The following GBP5 variants were observed in gnomAD, a reference collection of about 807,000 sequenced individuals.
The protein encoded by GBP5 is guanylate-binding protein 5.
In GBP5, 48 loss-of-function variants were observed where a neutral mutation model predicts 58.2. The observed-to-expected ratio is 0.83, with a 90% confidence interval of 0.65 to 1.05. The LOEUF is 1.05. Among genes scored for constraint, GBP5 ranks in the 50% least tolerant of loss-of-function variants. The pLI, the probability that GBP5 is intolerant of heterozygous loss-of-function variation, is 0.00. For missense variants in GBP5, 714 were observed against 686.8 expected, an observed-to-expected ratio of 1.04 and a Z score of -0.44; for synonymous variants, 248 against 251.8, an observed-to-expected ratio of 0.98 and a Z score of 0.14.
rs1339808030 is a variant in GBP5, at chr1:89,262,663, A to C, written c.1465+20T>G. Reference sequence around the variant, plus strand: ...TTATAGATTTCTTTCTATCTTGCATAATTTCCACTTTCTTCTCACCTTTCT... The same window carrying C: ...TTATAGATTTCTTTCTATCTTGCATCATTTCCACTTTCTTCTCACCTTTCT... On this transcript the variant is annotated intron_variant, in intron 10 of 11. Transcript: ENST00000370459. The C allele has an allele frequency of 6.7e-7, 1 of 1,496,086 alleles. No homozygotes were observed. Among genetic ancestry groups the C allele is most frequent in the Non-Finnish European group, 9.3e-7 (1 of 1,074,040 alleles). The allele number at this position is 1,496,086 out of a possible 1,614,324, so 92.7% of individuals were successfully genotyped here.
rs1485796909 is a variant in GBP5 at position 89,256,642 on chromosome 1, T to C, written c.*4062A>G. On this transcript the variant is annotated 3_prime_UTR_variant, in exon 12 of 12. Transcript: ENST00000370459. The stretch of plus-strand genomic sequence containing the variant: ...GGGGTCAAGAGAGATTTCAAGAGTT[T>C]TGAGTCACATTTAGAAAGGCCCTCT... Among the ~76,000 whole-genome samples, 1 of 152,212 alleles carries C rather than the reference T, an allele frequency of 6.6e-6. No individual in the cohort carries two copies. The highest frequency in any genetic ancestry group is 2.4e-5 in the African/African-American group (1 of 41,454).
At chr1:89,268,696 A>G in intron 4 of GBP5, 33 bp downstream of exon 4, 1 of 1,610,956 alleles carries the variant, frequency 6.2e-7, no homozygotes, top group East Asian at 2.2e-5. Context: ...CAGTTCAGAG[A>G]TTAGGAGGTT....
chr1:89,262,530 C>G, intron 10 of GBP5, 129 bp from the exon 11 acceptor site: 1 of 943,678 alleles, frequency 1.1e-6, no homozygotes. Flanking sequence ...CAGGTAACCA[C>G]AATGCAGGAT....
chr1:89,258,359 A>G lies in GBP5; in HGVS notation c.*2345T>C, dbSNP rs971278439. On this transcript the variant is annotated 3_prime_UTR_variant, in exon 12 of 12. Transcript: ENST00000370459. ...CTTTAAGATGGGTAATAAAGATATC[A>G]ATATTTAATTTGGAGATAGAGCTAT... Among the ~76,000 whole-genome samples the G allele has an allele frequency of 2.0e-5, 3 of 152,236 alleles. No individual in the cohort carries two copies. Among genetic ancestry groups the G allele is most frequent in the African/African-American group, 7.2e-5 (3 of 41,460 alleles).
At chr1:89,268,989 G>A in intron 3 of GBP5, 133 bp from the exon 4 acceptor site, 1 of 864,476 alleles carries the variant, frequency 1.2e-6, no homozygotes, top group South Asian at 1.8e-5. Context: ...TGATTTGAAT[G>A]ATGATGCAGA....
rs745501766 is a variant in GBP5, at chr1:89,266,329, C to T, written c.868+17G>A. ...GTTTACATTAAATTGAAGGAAAATCCTAAAAATAATACTCACGAGATCCAT... is the reference window on the plus strand; with the variant it reads ...GTTTACATTAAATTGAAGGAAAATCTTAAAAATAATACTCACGAGATCCAT... On this transcript the variant is annotated intron_variant, in intron 7 of 11. Transcript: ENST00000370459. The T allele has an allele frequency of 1.2e-6, 2 of 1,600,830 alleles. No individual in the cohort carries two copies. The highest frequency in any genetic ancestry group is 2.2e-5 in the South Asian group (2 of 89,448).
At position 89,257,792 on chromosome 1, in the gene GBP5, A is replaced by G. The variant is rs1422433568; in HGVS notation, c.*2912T>C. Among the ~76,000 whole-genome samples the G allele has an allele frequency of 6.6e-6, 1 of 152,206 alleles. No homozygotes were observed. Among genetic ancestry groups the G allele is most frequent in the Non-Finnish European group, 1.5e-5 (1 of 68,032 alleles). On this transcript the variant is annotated 3_prime_UTR_variant, in exon 12 of 12. Coordinates refer to ENST00000370459, the MANE Select transcript of GBP5 (RefSeq NM_052942.5). ...TTTGTACTTGTTTCCTATTGCTGCT[A>G]TAACAAATTATTACTAATTTTGTGG...
At position 89,256,226 on chromosome 1, in the gene GBP5, C is replaced by T. The variant is rs540272174; in HGVS notation, c.*4478G>A. 2.6e-5 allele frequency among the ~76,000 whole-genome samples: 4 copies of T among 151,922 alleles called. No homozygotes were observed. Among genetic ancestry groups the T allele is most frequent in the Non-Finnish European group, 4.4e-5 (3 of 67,978 alleles). On this transcript the variant is annotated 3_prime_UTR_variant, in exon 12 of 12. Coordinates refer to ENST00000370459, the MANE Select transcript of GBP5 (RefSeq NM_052942.5). ...ATAAAGATTTTATTAACAAATGAAG[C>T]AAGGCATAAAAGAATACAAACAATG...
At chr1:89,270,699 G>A (rs1650411145) in intron 2 of GBP5, 56 bp downstream of exon 2, 1 of 152,176 alleles carries the variant, frequency 6.6e-6, no homozygotes, top group Admixed American at 6.5e-5. Context: ...CAAATTTAGA[G>A]ACTCAAATGG....
In GBP5 at chr1:89,264,986, A is replaced by G. The variant is rs1354430186; in HGVS notation, c.869-20T>C. 6.3e-7 allele frequency: 1 copy of G among 1,591,518 alleles called. No individual in the cohort carries two copies. Among genetic ancestry groups the G allele is most frequent in the Non-Finnish European group, 8.6e-7 (1 of 1,163,868 alleles). ...TTAGACCTTCATGGAAGAAAGAAAC[A>G]TTTATATTATTTGCAAAGGAAGAAG... On this transcript the variant is annotated intron_variant, in intron 7 of 11. Coordinates refer to ENST00000370459, the MANE Select transcript of GBP5 (RefSeq NM_052942.5).
Position 89,257,092 on chromosome 1 carries a change from G to A in GBP5, c.*3612C>T, listed in dbSNP as rs2100710234. ...ATTCAGTATTTCTATGTTTTCCTAA[G>A]TATATTAGTCCATTTTCATACTGCT... On this transcript the variant is annotated 3_prime_UTR_variant, in exon 12 of 12. Coordinates refer to ENST00000370459, the MANE Select transcript of GBP5 (RefSeq NM_052942.5). 6.6e-6 allele frequency among the ~76,000 whole-genome samples: 1 copy of A among 152,160 alleles called. No homozygotes were observed. The highest frequency in any genetic ancestry group is 2.4e-5 in the African/African-American group (1 of 41,496).
At position 89,268,818 on chromosome 1, in the gene GBP5, C is replaced by T. The variant is rs753254319; in HGVS notation, c.229G>A (p.Gly77Arg). The T allele has an allele frequency of 6.2e-6, 10 of 1,613,628 alleles. No individual in the cohort carries two copies. The East Asian group carries it at 2.0e-4, about 32-fold the overall frequency. The change falls in exon 4 of 12, where the codon GGA (glycine) becomes AGA (arginine). Residue 77 changes from glycine (G) to arginine (R), a missense_variant. Coordinates refer to ENST00000370459, the MANE Select transcript of GBP5 (RefSeq NM_052942.5). ...TGAGGCACACACCATATCCAAATTC[C>T]CTTGGTGTGAGACTGCACCGTAGAT... is the stretch of plus-strand genomic sequence containing the variant. ...VASTVQSHTK[G>R]IWIWCVPHPN...
rs1031794451 is a variant in GBP5, at chr1:89,259,557, C to G, written c.*1147G>C. On this transcript the variant is annotated 3_prime_UTR_variant, in exon 12 of 12. Transcript: ENST00000370459. ...TTAGCCTGAGTGATGCCCAACTGAG[C>G]CCAGACTTTGGTCAAGTTCCTTCCG... 6.6e-6 allele frequency: 1 copy of G among 152,184 alleles called. No homozygotes were observed. The highest frequency in any genetic ancestry group is 6.5e-5 in the Admixed American group (1 of 15,276). 9.4% of individuals were successfully genotyped at this position (152,184 alleles called of 1,614,324 possible).
intron 11 of GBP5, 124 bp downstream of exon 11, chr1:89,262,096 C>T (rs1650024174): frequency 1.1e-6 from 1 of 894,586 alleles, no homozygotes; most frequent in South Asian, 1.6e-5. Flanking sequence ...TGGATTCATA[C>T]CCAGACTTTC....
chr1:89,269,131 G>T (rs1650340232), intron 3 of GBP5, among the ~76,000 whole-genome samples: 1 of 151,370 alleles, frequency 6.6e-6, no homozygotes. Context: ...CTTACAAGGA[G>T]AATATATTAT....
chr1:89,262,221 T>C lies in GBP5; in HGVS notation c.1646A>G (p.Gln549Arg), dbSNP rs1256199590. 1 of 1,613,972 alleles carries C rather than the reference T, an allele frequency of 6.2e-7. No homozygotes were observed. The highest frequency in any genetic ancestry group is 8.5e-7 in the Non-Finnish European group (1 of 1,179,838). ...EQQKMQEQQMQEQAAQLSTTF... is the reference protein window; with the variant it reads ...EQQKMQEQQMREQAAQLSTTF... ...AGAGATGAAACAATTGATGAATACC[T>C]GCATCTGTTGTTCCTGCATTTTCTG... The change falls in exon 11 of 12, where the codon CAG becomes CGG. Residue 549 changes from glutamine (Q) to arginine (R), a missense_variant and splice_region_variant. Gln to Arg is a conservative substitution (Grantham distance 43). Transcript: ENST00000370459.
chr1:89,261,561 T>C (rs964130954), intron 11 of GBP5, among the ~76,000 whole-genome samples: 6 of 152,218 alleles, frequency 3.9e-5, no homozygotes, highest in Non-Finnish European at 1.5e-5. Context: ...TTATCTCATC[T>C]GAAAAATGAG....
At chr1:89,270,271 T>C (rs1170994879) in intron 2 of GBP5, 1 of 152,196 alleles carries the variant, frequency 6.6e-6, no homozygotes, top group Non-Finnish European at 1.5e-5. Flanking sequence ...GAGTCTCTGG[T>C]TAAAAAAAAT....
rs192088474 is a variant in GBP5, at chr1:89,258,883, C to T, written c.*1821G>A. On this transcript the variant is annotated 3_prime_UTR_variant, in exon 12 of 12. Transcript: ENST00000370459. The stretch of plus-strand genomic sequence containing the variant: ...CTAGTCTTAAAGCAATTCTTAATCT[C>T]CTTAGGGAAATTCAGTCTTTCTCTA... 8 of 152,168 alleles carry T rather than the reference C, an allele frequency of 5.3e-5. No homozygotes were observed. The highest frequency in any genetic ancestry group is 3.3e-4 in the Admixed American group (5 of 15,296). 9.4% of individuals were successfully genotyped at this position (152,168 alleles called of 1,614,324 possible). A position where few individuals can be genotyped will look rare whatever the true frequency, so the allele number is the denominator to read the frequency against.
Sources: gnomAD v4.1 joint callset for allele counts (sites outside exome capture counted in the v4.1 genomes callset) on GRCh38, gnomAD v4.1.1 for gene constraint, MANE v1.5 for transcripts, NCBI Gene and HGNC (gene_info 2026-07-23, HGNC 2026-07-21) for gene names.